The following PTPRZ1 variants were observed in gnomAD, a reference collection of about 807,000 sequenced individuals.
PTPRZ1 encodes protein tyrosine phosphatase receptor type Z1.
In PTPRZ1, 82 loss-of-function variants were observed where a neutral mutation model predicts 214.1. The observed-to-expected ratio is 0.38, with a 90% CI of 0.32 to 0.46. PTPRZ1 has a LOEUF of 0.46. Among genes scored for constraint, PTPRZ1 ranks in the 20% least tolerant of loss-of-function variants. The pLI, the probability that PTPRZ1 is intolerant of heterozygous loss-of-function variation, is 1.00. For synonymous variants in PTPRZ1, 945 were observed against 987.9 expected (o/e 0.96, Z 0.81); for missense variants, 2,603 against 2,748.7 (o/e 0.95, Z 1.19).
At chr7:121,969,803 A>T (rs893638720) in intron 3 of PTPRZ1, among the ~76,000 whole-genome samples, 3 of 151,330 alleles carry the variant, frequency 2.0e-5, no homozygotes, top group Admixed American at 1.3e-4. Context: ...TTCTTTTTAT[A>T]TATATATTTT....
Position 122,010,754 on chromosome 7 carries a change from G to A in PTPRZ1, c.1708G>A (p.Glu570Lys), listed in dbSNP as rs912090957. 3.1e-6 allele frequency: 5 copies of A among 1,613,896 alleles called. No individual in the cohort carries two copies. The highest frequency in any genetic ancestry group is 2.7e-5 in the African/African-American group (2 of 74,882). Residue 570 changes from glutamate to lysine, a missense_variant, in exon 12 of 30, where the codon GAG becomes AAG. Glu to Lys is a moderately conservative substitution (Grantham distance 56). Around this residue, in one of 6 missense-constraint regions of PTPRZ1, gnomAD observed 1,913 missense variants for 1,914.3 expected, o/e 1.00. Coordinates refer to ENST00000393386, the MANE Select transcript of PTPRZ1 (RefSeq NM_002851.3). ...LNTVSITEYE[E>K]ESLLTSFKLD... is the part of the protein sequence containing the mutation. The stretch of plus-strand genomic sequence containing the variant: ...TACAGTTTCTATAACAGAATATGAG[G>A]AGGAGAGTTTATTGACCAGTTTCAA...
intron 1 of PTPRZ1, among the ~76,000 whole-genome samples, chr7:121,923,914 T>C (rs1417042783): frequency 6.6e-6 from 1 of 152,088 alleles, no homozygotes; most frequent in Non-Finnish European, 1.5e-5. Flanking sequence ...CAAGGTGGAA[T>C]GGGTTGAAAG....
intron 3 of PTPRZ1, among the ~76,000 whole-genome samples, chr7:121,971,074 T>G (rs577524840): frequency 9.0e-4 from 137 of 152,268 alleles, no homozygotes; most frequent in Non-Finnish European, 1.5e-3. Context: ...TTTCCCCATT[T>G]CTTGTTTTTT....
intron 20 of PTPRZ1, among the ~76,000 whole-genome samples, chr7:122,039,996 A>G (rs1056541843): frequency 1.4e-5 from 2 of 144,450 alleles, no homozygotes; most frequent in African/African-American, 5.3e-5. Context: ...AAAAGAAAAG[A>G]AAAAAAAAAA....
At chr7:121,957,746 C>T (rs1307918179) in intron 2 of PTPRZ1, among the ~76,000 whole-genome samples, 1 of 152,166 alleles carries the variant, frequency 6.6e-6, no homozygotes, top group East Asian at 1.9e-4. Context: ...AGTGGTGGTG[C>T]TGAGACTGAG....
intron 2 of PTPRZ1, among the ~76,000 whole-genome samples, chr7:121,962,900 C>G (rs773798844): frequency 1.6e-4 from 25 of 152,020 alleles, no homozygotes; most frequent in Non-Finnish European, 3.2e-4. Context: ...AGTTTATTTC[C>G]TTTGTTTTTC....
intron 1 of PTPRZ1, among the ~76,000 whole-genome samples, chr7:121,885,059 AT>A (rs1302660098): frequency 2.0e-5 from 3 of 152,202 alleles, no homozygotes; most frequent in Non-Finnish European, 4.4e-5. Flanking sequence ...AAGCTTGAAT[AT>A]GGAAGTTTGT....
intron 13 of PTPRZ1, among the ~76,000 whole-genome samples, chr7:122,022,248 TCTA>T (rs1379252297): frequency 1.3e-5 from 2 of 152,268 alleles, no homozygotes; most frequent in African/African-American, 2.4e-5. Context: ...TTTAAAGTGT[TCTA>T]CTATTTCCAT....
chr7:122,060,462 C>T (rs1464475601), intron 29 of PTPRZ1, among the ~76,000 whole-genome samples: 2 of 152,186 alleles, frequency 1.3e-5, no homozygotes, highest in Non-Finnish European at 2.9e-5. Flanking sequence ...CTACCTCTCC[C>T]CAAACTGCCT....
At chr7:121,880,304 T>G (rs1250705105) in intron 1 of PTPRZ1, among the ~76,000 whole-genome samples, 2 of 152,198 alleles carry the variant, frequency 1.3e-5, no homozygotes, top group Admixed American at 1.3e-4. Flanking sequence ...TCCTTGGAAA[T>G]GTAGTACTTG....
intron 1 of PTPRZ1, among the ~76,000 whole-genome samples, chr7:121,916,831 G>T (rs908109648): frequency 6.6e-5 from 10 of 152,306 alleles, no homozygotes; most frequent in African/African-American, 2.4e-4. Flanking sequence ...GTGATTGGTG[G>T]TTGAAGTGAA....
chr7:121,980,749 G>C (rs1797580670), intron 6 of PTPRZ1, among the ~76,000 whole-genome samples: 1 of 152,128 alleles, frequency 6.6e-6, no homozygotes, highest in Admixed American at 6.5e-5. Context: ...TTTCTTTGAG[G>C]CTTTCTGAGT....
chr7:121,904,187 G>A (rs1384231321), intron 1 of PTPRZ1, among the ~76,000 whole-genome samples: 1 of 152,162 alleles, frequency 6.6e-6, no homozygotes, highest in Non-Finnish European at 1.5e-5. Flanking sequence ...TAGCAAGAGT[G>A]CATGCACCTC....
At position 121,873,664 on chromosome 7, in the gene PTPRZ1, G is replaced by A. The variant is rs1358152921; in HGVS notation, c.58+107G>A. Reference sequence around the variant, plus strand: ...GCCGCCGCCGCCGCCATCTAGCCAGGAGGAAAAAGGGACAGCCAACTGGGC... The same window carrying A: ...GCCGCCGCCGCCGCCATCTAGCCAGAAGGAAAAAGGGACAGCCAACTGGGC... On this transcript the variant is annotated intron_variant, in intron 1 of 29. Coordinates refer to ENST00000393386, the MANE Select transcript of PTPRZ1 (RefSeq NM_002851.3). The A allele has an allele frequency of 2.9e-6, 4 of 1,370,646 alleles. No homozygotes were observed. The African/African-American group carries it at 5.7e-5, about 19-fold the overall frequency. 84.9% of individuals were successfully genotyped at this position (1,370,646 alleles called of 1,614,324 possible).
intron 1 of PTPRZ1, among the ~76,000 whole-genome samples, chr7:121,876,064 G>A (rs1027309501): frequency 1.1e-4 from 16 of 152,114 alleles, no homozygotes; most frequent in African/African-American, 3.9e-4. Flanking sequence ...TTGATTATTG[G>A]CAATTAAGAA....
chr7:122,004,217 C>T (rs1004561592), intron 10 of PTPRZ1, among the ~76,000 whole-genome samples: 1 of 152,160 alleles, frequency 6.6e-6, no homozygotes, highest in African/African-American at 2.4e-5. Context: ...TTTCCCCAAC[C>T]ATGCTTTTAT....
At chr7:121,900,812 A>G (rs1388801053) in intron 1 of PTPRZ1, among the ~76,000 whole-genome samples, 6 of 152,186 alleles carry the variant, frequency 3.9e-5, no homozygotes, top group Non-Finnish European at 8.8e-5. Context: ...GATGCAAAAT[A>G]AAACAATGAA....
At chr7:121,984,202 A>T in intron 8 of PTPRZ1, 85 bp downstream of exon 8, 1 of 1,196,982 alleles carries the variant, frequency 8.4e-7, no homozygotes, top group Non-Finnish European at 1.1e-6. Context: ...AATATAGAGG[A>T]CTTAGAGCTT....
chr7:122,039,303 C>T, intron 19 of PTPRZ1, 151 bp from the exon 20 acceptor site: 1 of 871,984 alleles, frequency 1.1e-6, no homozygotes, highest in Non-Finnish European at 1.7e-6. Context: ...TCCTCCACAA[C>T]TAATTTCAGT....
Sources: gnomAD v4.1 joint callset for allele counts (sites outside exome capture counted in the v4.1 genomes callset) on GRCh38, gnomAD v4.1.1 for gene constraint, gnomAD v4.1.1 regional missense constraint, MANE v1.5 for transcripts, NCBI Gene and HGNC (gene_info 2026-07-23, HGNC 2026-07-21) for gene names.